Variants in UNC5D observed in about 807,000 individuals in gnomAD.
UNC5D encodes the protein unc-5 netrin receptor D, also known as netrin receptor UNC5D.
A neutral mutation model predicts 105.4 loss-of-function variants in UNC5D; 39 were observed. That is an observed-to-expected ratio of 0.37 (90% CI 0.29 to 0.48). The LOEUF is 0.48. UNC5D is among the 20% of genes least tolerant of loss of function. The pLI, the probability that UNC5D is intolerant of heterozygous loss-of-function variation, is 0.98. For synonymous variants in UNC5D, 452 were observed against 450.4 expected, an observed-to-expected ratio of 1.00 and a Z score of -0.04; for missense variants, 991 against 1,202.4, an observed-to-expected ratio of 0.82 and a Z score of 2.60.
intron 1 of UNC5D, among the ~76,000 whole-genome samples, chr8:35,484,558 T>TAAG (rs1229745807): frequency 6.6e-6 from 1 of 152,148 alleles, no homozygotes; most frequent in East Asian, 1.9e-4. Flanking sequence ...ACTCCTCTGC[T>TAAG]AAGACCCTTC....
chr8:35,570,612 TCAGTCCC>T (rs1458292818), intron 3 of UNC5D, among the ~76,000 whole-genome samples: 3 of 152,044 alleles, frequency 2.0e-5, no homozygotes, highest in Non-Finnish European at 4.4e-5. Context: ...GGATCAGCCC[TCAGTCCC>T]CAACTCTCCC....
intron 1 of UNC5D, among the ~76,000 whole-genome samples, chr8:35,391,366 A>C (rs1483769628): frequency 6.6e-6 from 1 of 152,354 alleles, no homozygotes; most frequent in East Asian, 1.9e-4. Context: ...GTCTTATCCC[A>C]GCATCACAAA....
intron 4 of UNC5D, among the ~76,000 whole-genome samples, chr8:35,681,212 T>C (rs1825639649): frequency 6.6e-6 from 1 of 152,208 alleles, no homozygotes; most frequent in African/African-American, 2.4e-5. Flanking sequence ...AGTCCATTTC[T>C]TGTTGCTCAT....
At chr8:35,426,041 T>G (rs1300666778) in intron 1 of UNC5D, among the ~76,000 whole-genome samples, 1 of 152,078 alleles carries the variant, frequency 6.6e-6, no homozygotes, top group Non-Finnish European at 1.5e-5. Flanking sequence ...GGCGGCCCAT[T>G]TCATGTTTAA....
At chr8:35,470,744 G>A (rs1322587456) in intron 1 of UNC5D, among the ~76,000 whole-genome samples, 1 of 150,628 alleles carries the variant, frequency 6.6e-6, no homozygotes, top group East Asian at 2.0e-4. Context: ...ACTCCAGCCT[G>A]GGCAACAGAG....
At chr8:35,439,997 A>G (rs1389131335) in intron 1 of UNC5D, among the ~76,000 whole-genome samples, 3 of 152,132 alleles carry the variant, frequency 2.0e-5, no homozygotes, top group Non-Finnish European at 4.4e-5. Context: ...TAGAGATGTA[A>G]AGGTCACAAA....
At chr8:35,638,688 A>G (rs1393304340) in intron 4 of UNC5D, among the ~76,000 whole-genome samples, 2 of 152,066 alleles carry the variant, frequency 1.3e-5, no homozygotes, top group Non-Finnish European at 1.5e-5. Context: ...CTAGCTACTC[A>G]GGAAGCTGAG....
chr8:35,504,223 T>A (rs1422737872), intron 1 of UNC5D, among the ~76,000 whole-genome samples: 2 of 152,172 alleles, frequency 1.3e-5, no homozygotes, highest in African/African-American at 4.8e-5. Context: ...CCTGGGTAAA[T>A]CCTGGATCAG....
chr8:35,721,775 G>C (rs148304309), intron 8 of UNC5D, among the ~76,000 whole-genome samples: 38 of 152,254 alleles, frequency 2.5e-4, no homozygotes, highest in Admixed American at 4.6e-4. Flanking sequence ...CTCTGCAAAG[G>C]CATGTGCCCC....
intron 1 of UNC5D, among the ~76,000 whole-genome samples, chr8:35,446,491 T>TA (rs879886902): frequency 6.0e-5 from 9 of 150,598 alleles, no homozygotes; most frequent in East Asian, 3.9e-4. Flanking sequence ...TTTTAAAAAC[T>TA]AAAAAAAAAG....
intron 7 of UNC5D, among the ~76,000 whole-genome samples, chr8:35,694,138 T>G: frequency 6.6e-6 from 1 of 152,166 alleles, no homozygotes; most frequent in East Asian, 1.9e-4. Context: ...AATTATAATC[T>G]TAGAACCAGC....
At chr8:35,567,871 C>A (rs1214449151) in intron 2 of UNC5D, among the ~76,000 whole-genome samples, 1 of 152,192 alleles carries the variant, frequency 6.6e-6, no homozygotes, top group Admixed American at 6.5e-5. Flanking sequence ...TATTCTATTG[C>A]ATGGGAGCCG....
chr8:35,414,119 A>G (rs760056698), intron 1 of UNC5D, among the ~76,000 whole-genome samples: 1 of 152,114 alleles, frequency 6.6e-6, no homozygotes, highest in Non-Finnish European at 1.5e-5. Flanking sequence ...GTATTCATTA[A>G]TTCTACTGTT....
At chr8:35,737,407 G>A (rs1002233900) in intron 11 of UNC5D, among the ~76,000 whole-genome samples, 9 of 151,788 alleles carry the variant, frequency 5.9e-5, no homozygotes, top group Admixed American at 5.9e-4. Flanking sequence ...TTGAGAGTTT[G>A]TGATAATAGT....
intron 1 of UNC5D, among the ~76,000 whole-genome samples, chr8:35,452,900 A>G (rs1468718042): frequency 6.6e-6 from 1 of 152,156 alleles, no homozygotes; most frequent in Non-Finnish European, 1.5e-5. Context: ...GAGCTTCAGG[A>G]GGCATTAGTT....
intron 2 of UNC5D, among the ~76,000 whole-genome samples, chr8:35,563,565 A>C (rs1817114299): frequency 6.6e-6 from 1 of 152,060 alleles, no homozygotes; most frequent in Admixed American, 6.6e-5. Context: ...ATCTACAAAC[A>C]AGGCTAATTT....
intron 1 of UNC5D, among the ~76,000 whole-genome samples, chr8:35,370,282 T>G (rs1802355049): frequency 6.6e-6 from 1 of 152,182 alleles, no homozygotes; most frequent in Non-Finnish European, 1.5e-5. Flanking sequence ...CCGTGGCATA[T>G]GGCAATGCTA....
At chr8:35,411,777 G>T (rs1277759912) in intron 1 of UNC5D, among the ~76,000 whole-genome samples, 1 of 151,918 alleles carries the variant, frequency 6.6e-6, no homozygotes, top group African/African-American at 2.4e-5. Flanking sequence ...CTCCAGGAGA[G>T]CAAGGACTGT....
chr8:35,633,678 C>T (rs1822186893), intron 4 of UNC5D, among the ~76,000 whole-genome samples: 1 of 152,108 alleles, frequency 6.6e-6, no homozygotes, highest in Admixed American at 6.5e-5. Context: ...TTGCTTGAGC[C>T]TGGGAGTTTG....
Sources: gnomAD v4.1 joint callset for allele counts (sites outside exome capture counted in the v4.1 genomes callset) on GRCh38, gnomAD v4.1.1 for gene constraint, MANE v1.5 for transcripts, NCBI Gene and HGNC (gene_info 2026-07-23, HGNC 2026-07-21) for gene names.